VIPAS39: variants seen among roughly 807,000 people sequenced by gnomAD.
The protein encoded by VIPAS39 is spermatogenesis-defective protein 39 homolog.
In VIPAS39, 63 loss-of-function variants were observed where a neutral mutation model predicts 84.7. The observed-to-expected ratio is 0.74, with a 90% confidence interval of 0.61 to 0.92. VIPAS39 has a LOEUF of 0.92. Ranked by LOEUF, VIPAS39 falls within the 40% of genes least tolerant of loss-of-function variation. VIPAS39 has a pLI of 0.00. For missense variants in VIPAS39, 499 were observed against 604.5 expected, an observed-to-expected ratio of 0.83 and a Z score of 1.83; for synonymous variants, 192 against 216.5, an observed-to-expected ratio of 0.89 and a Z score of 0.99.
intron 1 of VIPAS39, chr14:77,457,253 C>A (rs1054849668): frequency 6.5e-7 from 1 of 1,534,262 alleles, no homozygotes; most frequent in African/African-American, 1.4e-5. Flanking sequence ...CCAGCGGATC[C>A]CTGGCAGAGT....
At chr14:77,441,266 A>G in intron 10 of VIPAS39, 173 bp from the exon 11 acceptor site, 1 of 704,176 alleles carries the variant, frequency 1.4e-6, no homozygotes, top group Admixed American at 2.3e-5. Context: ...CTGGCTGAAC[A>G]AAAAGCAAGG....
intron 1 of VIPAS39, chr14:77,457,181 A>C: frequency 6.8e-7 from 1 of 1,473,906 alleles, no homozygotes; most frequent in Non-Finnish European, 8.9e-7. Flanking sequence ...ACAAGAGTTA[A>C]GCTAGGATGA....
At chr14:77,432,060 T>C (rs1193382177) in intron 16 of VIPAS39, among the ~76,000 whole-genome samples, 1 of 152,198 alleles carries the variant, frequency 6.6e-6, no homozygotes, top group Non-Finnish European at 1.5e-5. Context: ...CTGTAGTTAA[T>C]AGTACTGTAC....
chr14:77,438,550 A>T (rs1389470700), intron 11 of VIPAS39, among the ~76,000 whole-genome samples: 1 of 152,248 alleles, frequency 6.6e-6, no homozygotes, highest in Non-Finnish European at 1.5e-5. Flanking sequence ...TATTTCTATC[A>T]TTGTAGAAAG....
intron 11 of VIPAS39, among the ~76,000 whole-genome samples, chr14:77,439,764 GAA>G (rs371592424): frequency 6.9e-6 from 1 of 145,184 alleles, no homozygotes; most frequent in Non-Finnish European, 1.5e-5. Flanking sequence ...AGCCTGTCTC[GAA>G]AAAAAAAAAC....
Position 77,442,589 on chromosome 14 carries a change from C to T in VIPAS39, c.705G>A (p.Gly235=). Reference sequence around the variant, plus strand: ...AGAGGTCTAAAAGCAACTTTTGATCCCCTATTTCCTTAAGGAAGTGAATAA... The same window carrying T: ...AGAGGTCTAAAAGCAACTTTTGATCTCCTATTTCCTTAAGGAAGTGAATAA... ...RHLIHFLKEI[G]DQKLLLDLFR... is the part of the protein sequence containing the mutation. Residue 235 remains glycine (G), a synonymous_variant, in exon 10 of 20, where the codon GGG becomes GGA. Transcript: ENST00000557658. 1 of 1,614,094 alleles carries T rather than the reference C, an allele frequency of 6.2e-7. No individual in the cohort carries two copies. The highest frequency in any genetic ancestry group is 8.5e-7 in the Non-Finnish European group (1 of 1,180,024).
intron 16 of VIPAS39, among the ~76,000 whole-genome samples, chr14:77,430,316 CA>C (rs1807434870): frequency 1.3e-5 from 2 of 152,106 alleles, no homozygotes; most frequent in African/African-American, 4.8e-5. Context: ...ATAGGAAAAA[CA>C]GAAAATTTTT....
intron 16 of VIPAS39, among the ~76,000 whole-genome samples, chr14:77,430,739 G>C (rs370606325): frequency 1.9e-5 from 2 of 105,688 alleles, no homozygotes; most frequent in African/African-American, 7.4e-5. Context: ...AAAAAAAAAA[G>C]GGGGGGTAGG....
At chr14:77,438,327 C>T (rs2078648086) in intron 11 of VIPAS39, among the ~76,000 whole-genome samples, 1 of 151,120 alleles carries the variant, frequency 6.6e-6, no homozygotes, top group East Asian at 1.9e-4. Context: ...CTCCCAGGTT[C>T]AAGCGATTCT....
chr14:77,452,377 T>C (rs1393446636), intron 3 of VIPAS39, among the ~76,000 whole-genome samples: 2 of 152,076 alleles, frequency 1.3e-5, no homozygotes, highest in Non-Finnish European at 2.9e-5. Flanking sequence ...TACATAACAA[T>C]ATGGAACGGA....
chr14:77,434,209 C>G, intron 15 of VIPAS39, 53 bp downstream of exon 15: 1 of 1,541,880 alleles, frequency 6.5e-7, no homozygotes, highest in Non-Finnish European at 9.0e-7. Flanking sequence ...AACATCCACT[C>G]CATGTAGTTA....
Position 77,427,586 on chromosome 14 carries a change from T to A in VIPAS39, c.*30A>T, listed in dbSNP as rs1467179919. ...CTTTCACAGGCAGGAGAGGAGGAAATGAGGCAGGCTTCAAGGTAGTCAATG... is the reference window on the plus strand; with the variant it reads ...CTTTCACAGGCAGGAGAGGAGGAAAAGAGGCAGGCTTCAAGGTAGTCAATG... On this transcript the variant is annotated 3_prime_UTR_variant, in exon 20 of 20. Coordinates refer to ENST00000557658, the MANE Select transcript of VIPAS39 (RefSeq NM_001193315.2). 5 of 1,614,096 alleles carry A rather than the reference T, an allele frequency of 3.1e-6. No individual in the cohort carries two copies. The East Asian group carries it at 1.1e-4, about 36-fold the overall frequency.
At position 77,457,596 on chromosome 14, in the gene VIPAS39, G is replaced by A. The variant is rs1285677443; in HGVS notation, c.-102C>T. The A allele has an allele frequency of 2.1e-5, 12 of 566,792 alleles. No individual in the cohort carries two copies. Among genetic ancestry groups the A allele is most frequent in the Non-Finnish European group, 3.8e-5 (12 of 319,190 alleles). 35.1% of individuals were successfully genotyped at this position (566,792 alleles called of 1,614,324 possible). On this transcript the variant is annotated 5_prime_UTR_variant, in exon 1 of 20. Transcript: ENST00000557658. ...GTGCAGCTTAGAGAAGGGGGCGGAA[G>A]GGAATAATCGTAGGGCGGAGAGAAA...
At chr14:77,441,316 G>C (rs2078700031) in intron 10 of VIPAS39, 1 of 520,622 alleles carries the variant, frequency 1.9e-6, no homozygotes, top group African/African-American at 1.9e-5. Context: ...TTTGTTAACA[G>C]TTCTGACAGG....
intron 7 of VIPAS39, among the ~76,000 whole-genome samples, chr14:77,448,289 A>T (rs1001426834): frequency 3.3e-5 from 5 of 151,994 alleles, no homozygotes; most frequent in African/African-American, 1.2e-4. Context: ...TTTCCCTCTC[A>T]TCCATCACTC....
Position 77,446,351 on chromosome 14 carries a change from T to A in VIPAS39, c.505-2010A>T, listed in dbSNP as rs376590614. Among the ~76,000 whole-genome samples the A allele has an allele frequency of 2.6e-5, 4 of 152,196 alleles. No homozygotes were observed. In the East Asian group the frequency reaches 7.7e-4, roughly 29 times the overall value. On this transcript the variant is annotated intron_variant, in intron 7 of 19. Coordinates refer to ENST00000557658, the MANE Select transcript of VIPAS39 (RefSeq NM_001193315.2). ...GAGGGTCTCGCTCTCTCGCCCAGGT[T>A]GGAGTGCAGTGATGCAATCACAGCT...
rs1453383219 is a variant in VIPAS39, at chr14:77,433,286, C to T, written c.1179+556G>A. ...TGCAATCTTGGCTCACTGCAACCTC[C>T]GCCTCCTGGATTCAAGCAATTCTCT... On this transcript the variant is annotated intron_variant, in intron 16 of 19. Coordinates refer to ENST00000557658, the MANE Select transcript of VIPAS39 (RefSeq NM_001193315.2). Among the ~76,000 whole-genome samples the T allele has an allele frequency of 5.3e-5, 8 of 152,002 alleles. No individual in the cohort carries two copies. In the East Asian group the frequency reaches 5.8e-4, roughly 11 times the overall value.
At chr14:77,445,129 T>G (rs935297271) in intron 7 of VIPAS39, among the ~76,000 whole-genome samples, 4 of 150,512 alleles carry the variant, frequency 2.7e-5, no homozygotes. Flanking sequence ...CGGCTAATTT[T>G]TTTGTATTTT....
At chr14:77,443,732 T>TA (rs2078739338) in intron 8 of VIPAS39, among the ~76,000 whole-genome samples, 1 of 151,960 alleles carries the variant, frequency 6.6e-6, no homozygotes, top group Non-Finnish European at 1.5e-5. Context: ...CCATATCTAC[T>TA]AAAAATACAA....
Sources: allele counts gnomAD v4.1 joint callset (sites outside exome capture counted in the v4.1 genomes callset), GRCh38; gene constraint gnomAD v4.1.1; transcripts MANE v1.5; gene names NCBI Gene and HGNC (gene_info 2026-07-23, HGNC 2026-07-21).